The following EP400 variants were observed in gnomAD, a reference collection of about 807,000 sequenced individuals.
EP400 encodes E1A-binding protein p400.
Under a neutral mutation model 354.1 loss-of-function variants are expected in EP400, and 105 were observed. The observed-to-expected ratio is 0.30, with a 90% CI of 0.25 to 0.35. The LOEUF is 0.35. EP400 is among the 10% of genes least tolerant of loss of function. The probability of loss-of-function intolerance (pLI) is 1.00; values close to 1 mark genes in which losing one functional copy is unlikely to be tolerated. For synonymous variants in EP400, 1,646 were observed against 1,716.9 expected (o/e 0.96, Z 1.02); for missense variants, 3,280 against 4,121.0 (o/e 0.80, Z 5.59).
At chr12:132,012,579 A>G (rs190491883) in intron 16 of EP400, among the ~76,000 whole-genome samples, 116 of 152,324 alleles carry the variant, frequency 7.6e-4, no homozygotes, top group African/African-American at 1.8e-3. Flanking sequence ...AACACATTCA[A>G]GCCATAGTAC....
In EP400 at chr12:132,064,742, G is replaced by GC; in HGVS notation, c.8414dup (p.Gln2806AlafsTer177). 1 of 1,613,594 alleles carries GC rather than the reference G, an allele frequency of 6.2e-7. No homozygotes were observed. The highest frequency in any genetic ancestry group is 8.5e-7 in the Non-Finnish European group (1 of 1,179,920). ...CCCCACCGCCACAGGCCCAGTCTGCGCCCCCGCAGCCAACAGCCCAAGTGC... is the reference window on the plus strand; with the variant it reads ...CCCCACCGCCACAGGCCCAGTCTGCGCCCCCCGCAGCCAACAGCCCAAGTGC... On this transcript the variant is annotated frameshift_variant, in exon 48 of 53. Coordinates refer to ENST00000389561, the MANE Select transcript of EP400 (RefSeq NM_015409.5). LOFTEE classifies it high-confidence loss of function.
At position 132,025,677 on chromosome 12, in the gene EP400, G is replaced by A. The variant is rs778796529; in HGVS notation, c.4887G>A (p.Gly1629=). 1.2e-6 allele frequency: 2 copies of A among 1,611,602 alleles called. No homozygotes were observed. The highest frequency in any genetic ancestry group is 1.7e-6 in the Non-Finnish European group (2 of 1,179,026). ...GSVLQIVSAP[G]QPYLRAPGPV... ...TCCTCCAGATCGTGTCCGCCCCCGG[G>A]CAGCCCTACCTTCGAGCCCCTGGCC... is the stretch of plus-strand genomic sequence containing the variant. Residue 1629 remains glycine, a synonymous_variant, in exon 25 of 53, where the codon GGG becomes GGA. Transcript: ENST00000389561. This position sits in a 1 kb window ranked among gnomAD's most constrained non-coding sequence, Gnocchi z 4.1.
At chr12:132,016,095 G>A (rs990127169) in intron 19 of EP400, among the ~76,000 whole-genome samples, 5 of 152,154 alleles carry the variant, frequency 3.3e-5, no homozygotes, top group Admixed American at 1.3e-4. Flanking sequence ...TCCCTTCTCC[G>A]GAACCATCCG....
chr12:132,012,885 G>C (rs932898622), intron 16 of EP400, 124 bp from the exon 17 acceptor site: 17 of 1,007,464 alleles, frequency 1.7e-5, no homozygotes, highest in Non-Finnish European at 2.0e-5. Context: ...ATTTAAAAAA[G>C]CAAGTAAAAT....
At chr12:131,952,964 C>T (rs1222007964) in intron 1 of EP400, among the ~76,000 whole-genome samples, 1 of 152,164 alleles carries the variant, frequency 6.6e-6, no homozygotes. Context: ...TCTCCCCATT[C>T]ATCAGCTCCC....
intron 39 of EP400, among the ~76,000 whole-genome samples, chr12:132,047,888 G>A (rs1325981633): frequency 6.6e-6 from 1 of 151,226 alleles, no homozygotes; most frequent in Non-Finnish European, 1.5e-5. Flanking sequence ...CCATTTCAGA[G>A]GCCTACCCTC....
rs1385867375 is a variant in EP400, at chr12:132,038,234, C to G, written c.6207+138C>G. 3.9e-6 allele frequency: 4 copies of G among 1,032,784 alleles called. No individual in the cohort carries two copies. Among genetic ancestry groups the G allele is most frequent in the African/African-American group, 1.6e-5 (1 of 61,832 alleles). The allele number at this position is 1,032,784 out of a possible 1,614,324, so 64.0% of individuals were successfully genotyped here. On this transcript the variant is annotated intron_variant, in intron 32 of 52. Coordinates refer to ENST00000389561, the MANE Select transcript of EP400 (RefSeq NM_015409.5). The surrounding 1 kb of genome is among the most constrained non-coding windows in gnomAD (Gnocchi z 4.2). ...CCTCTTCCCGTCCCTGCTTTTGGAA[C>G]CTCCCCACTCCCTTCTTTCTGTCAT...
intron 41 of EP400, chr12:132,051,001 T>C: frequency 2.4e-6 from 1 of 413,376 alleles, no homozygotes; most frequent in Non-Finnish European, 4.5e-6. Flanking sequence ...GTTCGCCATA[T>C]CTTAAGAACA....
At chr12:132,058,138 G>A (rs534080856) in intron 45 of EP400, among the ~76,000 whole-genome samples, 1 of 151,890 alleles carries the variant, frequency 6.6e-6, no homozygotes, top group East Asian at 1.9e-4. Context: ...TCTGAATGCA[G>A]GGCCAGTCTT....
intron 1 of EP400, among the ~76,000 whole-genome samples, chr12:131,957,717 T>C (rs1373588197): frequency 6.6e-6 from 1 of 152,090 alleles, no homozygotes; most frequent in African/African-American, 2.4e-5. Flanking sequence ...TGCCTCAGCC[T>C]CCCAAGTAGC....
At chr12:131,981,311 G>A (rs531516960) in intron 3 of EP400, among the ~76,000 whole-genome samples, 178 bp from the exon 4 acceptor site, 2 of 152,034 alleles carry the variant, frequency 1.3e-5, no homozygotes, top group South Asian at 2.1e-4. Context: ...TTCTTATATC[G>A]GCAACATTTT....
intron 41 of EP400, chr12:132,051,057 G>A (rs1895271485): frequency 3.6e-6 from 1 of 277,846 alleles, no homozygotes; most frequent in East Asian, 8.5e-5. Flanking sequence ...TTATACAGGG[G>A]AAAAGAGGAA....
chr12:132,016,222 T>C (rs1186822303), intron 19 of EP400, among the ~76,000 whole-genome samples: 1 of 152,168 alleles, frequency 6.6e-6, no homozygotes, highest in Non-Finnish European at 1.5e-5. Flanking sequence ...TCACAGGAGC[T>C]CTCCTGATGC....
In EP400 at chr12:132,017,613, C is replaced by G; in HGVS notation, c.4002C>G (p.His1334Gln). The change falls in exon 20 of 53, where the codon CAC (histidine) becomes CAG (glutamine). Residue 1334 changes from histidine (H) to glutamine (Q), a missense_variant. Around this residue, in one of 20 missense-constraint regions of EP400, gnomAD observed 242 missense variants for 357.9 expected, o/e 0.68. Transcript: ENST00000389561. This position sits in a 1 kb window ranked among gnomAD's most constrained non-coding sequence, Gnocchi z 5.0. ...TGCGGCTGCAGCGCATCTGCAACCA[C>G]CCTGGGCTCGTCGAGCCCCGGCACC... ...ILVRLQRICN[H>Q]PGLVEPRHPG... 6.2e-7 allele frequency: 1 copy of G among 1,612,766 alleles called. No individual in the cohort carries two copies. The highest frequency in any genetic ancestry group is 8.5e-7 in the Non-Finnish European group (1 of 1,179,292).
At chr12:132,009,529 C>T (rs1223963601) in intron 15 of EP400, among the ~76,000 whole-genome samples, 1 of 152,160 alleles carries the variant, frequency 6.6e-6, no homozygotes, top group Non-Finnish European at 1.5e-5. Context: ...CCAGGAACAG[C>T]ACCGAGGCCA....
intron 51 of EP400, among the ~76,000 whole-genome samples, chr12:132,074,558 C>A (rs1896173030): frequency 6.6e-6 from 1 of 152,166 alleles, no homozygotes; most frequent in Admixed American, 6.6e-5. Context: ...CTCGGGCAGT[C>A]TCTCTCATGT....
intron 12 of EP400, among the ~76,000 whole-genome samples, chr12:131,997,545 C>T (rs1406802356): frequency 2.0e-5 from 3 of 152,080 alleles, no homozygotes; most frequent in African/African-American, 2.4e-5. Context: ...TGTGAGCCAT[C>T]GTGCCTGGCC....
intron 2 of EP400, among the ~76,000 whole-genome samples, chr12:131,976,224 C>T (rs562835765): frequency 1.3e-5 from 2 of 152,128 alleles, no homozygotes; most frequent in South Asian, 2.1e-4. Context: ...TATTCTAGTA[C>T]GTGGGTCATC....
rs1894264131 is a variant in EP400, at chr12:132,025,188, AAAG to A, written c.4856-454_4856-452del. Among the ~76,000 whole-genome samples the A allele has an allele frequency of 6.6e-6, 1 of 152,170 alleles. No individual in the cohort carries two copies. The highest frequency in any genetic ancestry group is 2.4e-5 in the African/African-American group (1 of 41,424). On this transcript the variant is annotated intron_variant, in intron 24 of 52. Coordinates refer to ENST00000389561, the MANE Select transcript of EP400 (RefSeq NM_015409.5). The surrounding 1 kb of genome is among the most constrained non-coding windows in gnomAD (Gnocchi z 4.1). ...CTGGGAAACTATCTTCTCCAGAGTA[AAAG>A]AAGTCAGAAAGATGTAGTCACACAA...
Sources: gnomAD v4.1 joint callset for allele counts (sites outside exome capture counted in the v4.1 genomes callset) on GRCh38, gnomAD v4.1.1 for gene constraint, gnomAD v4.1.1 regional missense constraint, Gnocchi (gnomAD v3.1) non-coding constraint, MANE v1.5 for transcripts, NCBI Gene and HGNC (gene_info 2026-07-23, HGNC 2026-07-21) for gene names.